HOOK3: variants seen among roughly 807,000 people sequenced by gnomAD.
HOOK3 encodes hook microtubule tethering protein 3, also known as protein Hook homolog 3.
A neutral mutation model predicts 116.3 loss-of-function variants in HOOK3; 24 were observed. The observed-to-expected ratio is 0.21, with a 90% CI of 0.15 to 0.29. HOOK3 has a LOEUF of 0.29. HOOK3 is among the 10% of genes least tolerant of loss of function. The pLI is 1.00. For synonymous variants in HOOK3, 275 were observed against 283.0 expected, an observed-to-expected ratio of 0.97 and a Z score of 0.28; for missense variants, 632 against 830.2, an observed-to-expected ratio of 0.76 and a Z score of 2.93.
chr8:42,927,549 C>T (rs1807792691), intron 3 of HOOK3, among the ~76,000 whole-genome samples: 1 of 152,142 alleles, frequency 6.6e-6, no homozygotes, highest in South Asian at 2.1e-4. Context: ...AGCCACTGTG[C>T]CCGGCCGGCC....
At chr8:42,961,049 A>G (rs927393781) in intron 8 of HOOK3, among the ~76,000 whole-genome samples, 12 of 152,208 alleles carry the variant, frequency 7.9e-5, no homozygotes, top group African/African-American at 2.9e-4. Flanking sequence ...TGGCAAGAGT[A>G]GGAGCAAGGG....
At chr8:42,994,020 CTATT>C (rs1012774853) in intron 15 of HOOK3, among the ~76,000 whole-genome samples, 3 of 151,578 alleles carry the variant, frequency 2.0e-5, no homozygotes, top group African/African-American at 7.3e-5. Context: ...TATTTTTTAT[CTATT>C]TGTTTATTTA....
At chr8:42,926,122 A>G (rs1353491633) in intron 3 of HOOK3, among the ~76,000 whole-genome samples, 2 of 152,314 alleles carry the variant, frequency 1.3e-5, no homozygotes, top group Admixed American at 1.3e-4. Flanking sequence ...TTCTTTAACC[A>G]AAACTTACAA....
At chr8:42,908,147 A>G (rs936307544) in intron 2 of HOOK3, among the ~76,000 whole-genome samples, 11 of 152,246 alleles carry the variant, frequency 7.2e-5, no homozygotes, top group African/African-American at 2.4e-4. Context: ...TGAAAACTGT[A>G]AAACATTGAT....
chr8:42,967,215 T>A (rs1369584390), intron 10 of HOOK3, among the ~76,000 whole-genome samples: 1 of 152,070 alleles, frequency 6.6e-6, no homozygotes, highest in African/African-American at 2.4e-5. Context: ...CCCTTGCTCA[T>A]TGTCTCACTC....
At chr8:42,905,330 G>A (rs970727239) in intron 1 of HOOK3, among the ~76,000 whole-genome samples, 1 of 146,570 alleles carries the variant, frequency 6.8e-6, no homozygotes, top group East Asian at 2.0e-4. Context: ...TTTTTTGGGG[G>A]GGGGGGTGCC....
At chr8:42,979,188 C>T (rs938228609) in intron 13 of HOOK3, among the ~76,000 whole-genome samples, 5 of 152,182 alleles carry the variant, frequency 3.3e-5, no homozygotes, top group Admixed American at 1.3e-4. Flanking sequence ...GGGAGGATCA[C>T]TTGAGCCCAG....
In HOOK3 at chr8:43,028,564, GCAAA is replaced by G. The variant is rs1159082590; in HGVS notation, c.*10070_*10073del. On this transcript the variant is annotated 3_prime_UTR_variant, in exon 22 of 22. Coordinates refer to ENST00000307602, the MANE Select transcript of HOOK3 (RefSeq NM_032410.4). ...GTCCACCTCAAAGGTACATCAAGAT[GCAAA>G]CAATTTTTTTATCTTCATAACTTCC... 5.3e-6 allele frequency: 1 copy of G among 188,252 alleles called. No homozygotes were observed. The highest frequency in any genetic ancestry group is 1.1e-5 in the Non-Finnish European group (1 of 89,586). 11.7% of individuals were successfully genotyped at this position (188,252 alleles called of 1,614,324 possible).
At chr8:42,945,519 C>T (rs1188409092) in intron 5 of HOOK3, among the ~76,000 whole-genome samples, 1 of 152,140 alleles carries the variant, frequency 6.6e-6, no homozygotes, top group Non-Finnish European at 1.5e-5. Flanking sequence ...TCATGTTGGT[C>T]AGGCTGGTCT....
chr8:42,903,350 T>TTTTTTTTTTTTTTTTTTTTTTTTTTC (rs1563287035), intron 1 of HOOK3, among the ~76,000 whole-genome samples: 27 of 143,610 alleles, frequency 1.9e-4, no homozygotes, highest in African/African-American at 7.1e-4. Flanking sequence ...TTTTTTTTTT[T>TTTTTTTTTTTTTTTTTTTTTTTTTTC]TTTTTTTTTT....
At chr8:42,935,949 G>T (rs1236493657) in intron 4 of HOOK3, among the ~76,000 whole-genome samples, 2 of 152,148 alleles carry the variant, frequency 1.3e-5, no homozygotes, top group Non-Finnish European at 2.9e-5. Flanking sequence ...TAGCTGTATG[G>T]GGATACCATT....
chr8:43,015,472 G>A (rs972621689), intron 21 of HOOK3, among the ~76,000 whole-genome samples: 43 of 151,920 alleles, frequency 2.8e-4, no homozygotes, highest in East Asian at 3.9e-4. Flanking sequence ...GCAGTGAGCC[G>A]AGATCACACC....
chr8:42,905,325 T>TTGGCG lies in HOOK3; in HGVS notation c.58-848_58-847insTGGCG, dbSNP rs746035645. On this transcript the variant is annotated intron_variant, in intron 1 of 21. Transcript: ENST00000307602. ...TTTTTTTTTTTCCTGTTTCTTTTTT[T>TTGGCG]GGGGGGGGGGGTGCCGTGGTGGAGG... Among the ~76,000 whole-genome samples the TTGGCG allele has an allele frequency of 9.1e-4, 90 of 99,160 alleles. 3 individuals carry two copies. Among genetic ancestry groups the TTGGCG allele is most frequent in the African/African-American group, 3.1e-3 (67 of 21,446 alleles). The allele number at this position is 99,160 out of a possible 152,430, so 65.1% of individuals were successfully genotyped here.
intron 15 of HOOK3, among the ~76,000 whole-genome samples, chr8:42,991,174 G>T (rs1809153225): frequency 6.6e-6 from 1 of 152,136 alleles, no homozygotes; most frequent in South Asian, 2.1e-4. Flanking sequence ...TAAGTGCCAT[G>T]CTGTTTTGGT....
At chr8:42,938,484 G>A (rs1309298557) in intron 4 of HOOK3, among the ~76,000 whole-genome samples, 1 of 151,998 alleles carries the variant, frequency 6.6e-6, no homozygotes, top group African/African-American at 2.4e-5. Context: ...TTTCTTCATG[G>A]TGTTGATGGT....
At chr8:42,929,026 A>G (rs559540866) in intron 3 of HOOK3, among the ~76,000 whole-genome samples, 2 of 152,350 alleles carry the variant, frequency 1.3e-5, no homozygotes, top group East Asian at 1.9e-4. Flanking sequence ...TGCCTGGGCA[A>G]CAGAGGGAGA....
At chr8:42,940,657 CTT>C (rs1808096190) in intron 4 of HOOK3, among the ~76,000 whole-genome samples, 1 of 152,218 alleles carries the variant, frequency 6.6e-6, no homozygotes, top group Non-Finnish European at 1.5e-5. Flanking sequence ...GGCAACCCGA[CTT>C]TTCTCTCTGG....
In HOOK3 at chr8:43,027,730, A is replaced by G. The variant is rs1377009515; in HGVS notation, c.*9232A>G. On this transcript the variant is annotated 3_prime_UTR_variant, in exon 22 of 22. Coordinates refer to ENST00000307602, the MANE Select transcript of HOOK3 (RefSeq NM_032410.4). The stretch of plus-strand genomic sequence containing the variant: ...TCTTCTTGTTAACCTAGACAAGAGT[A>G]GATTATTCAGTAGCCACATGTGACA... The G allele has an allele frequency of 9.5e-6, 2 of 210,922 alleles. No homozygotes were observed. The highest frequency in any genetic ancestry group is 1.9e-5 in the Non-Finnish European group (2 of 103,348). The allele number at this position is 210,922 out of a possible 1,614,324, so 13.1% of individuals were successfully genotyped here. A position where few individuals can be genotyped will look rare whatever the true frequency, so the allele number is the denominator to read the frequency against.
In HOOK3 at chr8:43,013,238, C is replaced by T. The variant is rs1809646284; in HGVS notation, c.1944+83C>T. On this transcript the variant is annotated intron_variant, in intron 20 of 21. Coordinates refer to ENST00000307602, the MANE Select transcript of HOOK3 (RefSeq NM_032410.4). ...CCTTGTTATATTTTACAATTGTGTT[C>T]ATGAGTTTTAACAATTAATTGTAAG... 7 of 1,388,032 alleles carry T rather than the reference C, an allele frequency of 5.0e-6. No individual in the cohort carries two copies. The South Asian group carries it at 9.6e-5, about 19-fold the overall frequency. The allele number at this position is 1,388,032 out of a possible 1,614,324, so 86.0% of individuals were successfully genotyped here. A position where few individuals can be genotyped will look rare whatever the true frequency, so the allele number is the denominator to read the frequency against.
Sources: allele counts gnomAD v4.1 joint callset (sites outside exome capture counted in the v4.1 genomes callset), GRCh38; gene constraint gnomAD v4.1.1; transcripts MANE v1.5; gene names NCBI Gene and HGNC (gene_info 2026-07-23, HGNC 2026-07-21).